MACROD2: variants seen among roughly 807,000 people sequenced by gnomAD.
MACROD2 encodes mono-ADP ribosylhydrolase 2.
Under a neutral mutation model 70.4 loss-of-function variants are expected in MACROD2, and 36 were observed. That is an observed-to-expected ratio of 0.51 (90% CI 0.39 to 0.68). MACROD2 has a LOEUF of 0.68. Ranked by LOEUF, MACROD2 falls within the 30% of genes least tolerant of loss-of-function variation. The pLI, the probability that MACROD2 is intolerant of heterozygous loss-of-function variation, is 0.00. For synonymous variants in MACROD2, 172 were observed against 178.8 expected (o/e 0.96, Z 0.30); for missense variants, 496 against 538.4 (o/e 0.92, Z 0.78).
At chr20:15,874,259 G>C (rs779370167) in intron 9 of MACROD2, among the ~76,000 whole-genome samples, 2 of 151,774 alleles carry the variant, frequency 1.3e-5, no homozygotes, top group African/African-American at 2.4e-5. Flanking sequence ...CCTTTTTTTG[G>C]CTGCATAGTA....
rs59467727 is a variant in MACROD2 at position 14,684,652 on chromosome 20, C to T, written c.302-191C>T. On this transcript the variant is annotated intron_variant, in intron 4 of 17. Transcript: ENST00000684519. ...TTCTGTTCACCACATAACCTCACCCCCCCCCCCCGGCCCCCGCCAACACAC... is the reference window on the plus strand; with the variant it reads ...TTCTGTTCACCACATAACCTCACCCTCCCCCCCCGGCCCCCGCCAACACAC... 5.2e-5 allele frequency among the ~76,000 whole-genome samples: 7 copies of T among 135,806 alleles called. No individual in the cohort carries two copies. In the Admixed American group the frequency reaches 5.3e-4, roughly 10 times the overall value. The allele number at this position is 135,806 out of a possible 152,430, so 89.1% of individuals were successfully genotyped here. A position where few individuals can be genotyped will look rare whatever the true frequency, so the allele number is the denominator to read the frequency against.
At chr20:14,480,322 G>T (rs2084648869) in intron 3 of MACROD2, among the ~76,000 whole-genome samples, 1 of 152,104 alleles carries the variant, frequency 6.6e-6, no homozygotes, top group Middle Eastern at 3.2e-3. Context: ...AGAGGTTTCA[G>T]TAATTTGCCC....
At chr20:14,376,445 T>G (rs2122760952) in intron 3 of MACROD2, among the ~76,000 whole-genome samples, 1 of 152,092 alleles carries the variant, frequency 6.6e-6, no homozygotes, top group East Asian at 1.9e-4. Flanking sequence ...AATAATGTAG[T>G]GAAAAGAATG....
At chr20:15,539,625 G>A (rs2047927032) in intron 8 of MACROD2, among the ~76,000 whole-genome samples, 1 of 152,166 alleles carries the variant, frequency 6.6e-6, no homozygotes, top group Admixed American at 6.5e-5. Context: ...GTTATCCAGT[G>A]TATTGACAGC....
chr20:15,337,913 C>T (rs577097191), intron 6 of MACROD2, among the ~76,000 whole-genome samples: 1 of 151,796 alleles, frequency 6.6e-6, no homozygotes, highest in South Asian at 2.1e-4. Context: ...TACACTGAAT[C>T]ATGTTAGTAA....
intron 15 of MACROD2, among the ~76,000 whole-genome samples, chr20:16,037,387 GAGTAACAACTTAGAAAGAT>G (rs1372309510): frequency 6.6e-6 from 1 of 151,870 alleles, no homozygotes; most frequent in Non-Finnish European, 1.5e-5. Context: ...TTACCATTGA[GAGTAACAACTTAGAAAGAT>G]ATTTCCTGAA....
chr20:15,538,103 T>C (rs965935708), intron 8 of MACROD2, among the ~76,000 whole-genome samples: 3 of 152,192 alleles, frequency 2.0e-5, no homozygotes, highest in African/African-American at 7.2e-5. Flanking sequence ...GAACGATTAA[T>C]AATAGAGACT....
At chr20:15,414,476 A>G (rs1201187427) in intron 6 of MACROD2, among the ~76,000 whole-genome samples, 1 of 152,236 alleles carries the variant, frequency 6.6e-6, no homozygotes, top group African/African-American at 2.4e-5. Context: ...ATGGACAGGT[A>G]GAAACCGATA....
At chr20:14,213,706 T>C (rs928819446) in intron 3 of MACROD2, among the ~76,000 whole-genome samples, 4 of 152,078 alleles carry the variant, frequency 2.6e-5, no homozygotes, top group African/African-American at 7.2e-5. Context: ...TCAGGAACAA[T>C]ATAGCTTTAA....
chr20:15,808,745 T>C (rs2063791633), intron 8 of MACROD2, among the ~76,000 whole-genome samples: 3 of 152,174 alleles, frequency 2.0e-5, no homozygotes, highest in African/African-American at 7.2e-5. Flanking sequence ...AAAGCATCTT[T>C]GTGACATTTC....
chr20:15,222,138 G>A (rs1313543719), intron 5 of MACROD2, among the ~76,000 whole-genome samples: 2 of 152,140 alleles, frequency 1.3e-5, no homozygotes, highest in Admixed American at 1.3e-4. Context: ...CATGCAAAAA[G>A]TTGAATGACT....
At chr20:15,728,528 T>C (rs753230977) in intron 8 of MACROD2, among the ~76,000 whole-genome samples, 13 of 152,172 alleles carry the variant, frequency 8.5e-5, no homozygotes, top group Non-Finnish European at 1.8e-4. Context: ...TGTCTGATCC[T>C]GGGCTTTTTC....
intron 6 of MACROD2, among the ~76,000 whole-genome samples, chr20:15,361,419 G>T (rs1362207279): frequency 1.3e-5 from 2 of 152,152 alleles, no homozygotes; most frequent in African/African-American, 4.8e-5. Context: ...ACGATGTATT[G>T]ATCTTGTGTC....
chr20:14,673,825 C>A (rs1042578617), intron 4 of MACROD2, among the ~76,000 whole-genome samples: 5 of 148,934 alleles, frequency 3.4e-5, no homozygotes, highest in African/African-American at 1.2e-4. Context: ...GAGGCTGAGG[C>A]AGGAGAATTG....
intron 8 of MACROD2, among the ~76,000 whole-genome samples, chr20:15,648,745 G>T (rs1250781292): frequency 2.0e-5 from 3 of 152,118 alleles, no homozygotes; most frequent in Non-Finnish European, 2.9e-5. Flanking sequence ...ATGGATGGAT[G>T]GATGGGTGAA....
At chr20:14,741,188 C>T (rs117934870) in intron 5 of MACROD2, among the ~76,000 whole-genome samples, 3 of 152,204 alleles carry the variant, frequency 2.0e-5, no homozygotes, top group East Asian at 3.9e-4. Flanking sequence ...TTATTTTTAT[C>T]GATATTCACA....
At chr20:14,542,375 A>C (rs1233470276) in intron 4 of MACROD2, among the ~76,000 whole-genome samples, 1 of 152,218 alleles carries the variant, frequency 6.6e-6, no homozygotes, top group East Asian at 1.9e-4. Flanking sequence ...GTTGCACTTT[A>C]AACATTCTAA....
At position 15,678,063 on chromosome 20, in the gene MACROD2, G is replaced by GAA. The variant is rs149010345; in HGVS notation, c.645+178225_645+178226dup. ...CTGGCAACAGAACCAGACTCCATCT[G>GAA]AAAAAAAAAATGTATTTCAAGTTAC... On this transcript the variant is annotated intron_variant, in intron 8 of 17. Transcript: ENST00000684519. Among the ~76,000 whole-genome samples the GAA allele has an allele frequency of 9.5e-5, 14 of 146,760 alleles. No individual in the cohort carries two copies. The South Asian group carries it at 1.1e-3, about 11-fold the overall frequency.
intron 5 of MACROD2, among the ~76,000 whole-genome samples, chr20:15,163,991 G>A (rs2145878189): frequency 6.6e-6 from 1 of 152,010 alleles, no homozygotes; most frequent in East Asian, 1.9e-4. Context: ...GGGGGAGGCA[G>A]ACAAAAAGTA....
Sources: allele counts gnomAD v4.1 joint callset (sites outside exome capture counted in the v4.1 genomes callset), GRCh38; gene constraint gnomAD v4.1.1; transcripts MANE v1.5; gene names NCBI Gene and HGNC (gene_info 2026-07-23, HGNC 2026-07-21).